Variants in TLL2 observed in about 807,000 individuals in gnomAD.
The protein encoded by TLL2 is tolloid-like protein 2.
A neutral mutation model predicts 123.0 loss-of-function variants in TLL2; 106 were observed. The ratio of observed to expected loss-of-function variants is 0.86; its 90% CI spans 0.74 to 1.01. TLL2 has a LOEUF of 1.01. Among genes scored for constraint, TLL2 ranks in the 50% least tolerant of loss-of-function variants. The pLI is 0.00. For missense variants in TLL2, 1,332 were observed against 1,336.7 expected (o/e 1.00, Z 0.06); for synonymous variants, 494 against 516.8 (o/e 0.96, Z 0.60).
rs756779166 is a variant in TLL2, at chr10:96,395,223, T to C, written c.1690A>G (p.Ile564Val). The C allele has an allele frequency of 3.7e-6, 6 of 1,610,916 alleles. No homozygotes were observed. The highest frequency in any genetic ancestry group is 5.1e-6 in the Non-Finnish European group (6 of 1,179,056). The change falls in exon 13 of 21, where the codon ATC becomes GTC. Residue 564 changes from isoleucine to valine, a missense_variant. Physicochemically the swap from Ile to Val is conservative, Grantham distance 29 (BLOSUM62 3). Coordinates refer to ENST00000357947, the MANE Select transcript of TLL2 (RefSeq NM_012465.4). ...LWMKFVSDGS[I>V]NKAGFAANFF... ...TTGGCTGCAAAGCCCGCTTTATTGA[T>C]AGAGCCATCGGACACAAACTTCATC...
intron 3 of TLL2, among the ~76,000 whole-genome samples, chr10:96,439,299 C>T (rs1371434202): frequency 1.3e-5 from 2 of 150,786 alleles, no homozygotes; most frequent in East Asian, 4.0e-4. Context: ...TAGGGTTTCA[C>T]TATGTTGGCC....
chr10:96,401,868 AACTC>A (rs1015601487), intron 10 of TLL2, among the ~76,000 whole-genome samples: 1 of 152,216 alleles, frequency 6.6e-6, no homozygotes, highest in Non-Finnish European at 1.5e-5. Context: ...TAGCAAACAA[AACTC>A]AAGGAAGCCC....
chr10:96,418,738 T>C (rs1186816301), intron 7 of TLL2, among the ~76,000 whole-genome samples: 3 of 147,154 alleles, frequency 2.0e-5, no homozygotes, highest in Non-Finnish European at 4.5e-5. Flanking sequence ...TAAATTAATA[T>C]ATGAATTTAT....
In TLL2 at chr10:96,386,158, G is replaced by A. The variant is rs1366137116; in HGVS notation, c.1910C>T (p.Pro637Leu). The A allele has an allele frequency of 6.2e-6, 10 of 1,612,196 alleles. No individual in the cohort carries two copies. The Admixed American group carries it at 6.7e-5, about 11-fold the overall frequency. ...GTTTTTGTTTGTGGGATACTCCTTC[G>A]GCCACCCAGGGCTGGTGATGGTTCC... is the stretch of plus-strand genomic sequence containing the variant. ...LNGTITSPGWPKEYPTNKNCV... is the reference protein window; with the variant it reads ...LNGTITSPGWLKEYPTNKNCV... The change falls in exon 15 of 21, where the codon CCG (proline) becomes CTG (leucine). Residue 637 changes from proline to leucine, a missense_variant. By Grantham distance (98) the Pro-to-Leu change is moderately conservative. Coordinates refer to ENST00000357947, the MANE Select transcript of TLL2 (RefSeq NM_012465.4).
intron 2 of TLL2, among the ~76,000 whole-genome samples, chr10:96,453,819 G>A (rs555315993): frequency 5.9e-5 from 9 of 152,262 alleles, no homozygotes; most frequent in Admixed American, 4.6e-4. Flanking sequence ...AAAAATGCTG[G>A]ATGGAAATCA....
At chr10:96,476,243 TTA>T (rs145770000) in intron 2 of TLL2, among the ~76,000 whole-genome samples, 3,118 of 86,790 alleles carry the variant, frequency 0.036, 425 homozygotes, top group African/African-American at 0.066. Context: ...TATATATATT[TTA>T]TTTTTGTTGT....
rs1393904342 is a variant in TLL2 at position 96,365,056 on chromosome 10, A to T, written c.*3032T>A. The T allele has an allele frequency of 6.6e-6, 1 of 152,298 alleles. No individual in the cohort carries two copies. The highest frequency in any genetic ancestry group is 6.5e-5 in the Admixed American group (1 of 15,282). 9.4% of individuals were successfully genotyped at this position (152,298 alleles called of 1,614,324 possible). ...TTTGGCTTCCCTGGGCCACATTGGA[A>T]GAAGAATTATCTTGGGCCACACATA... On this transcript the variant is annotated 3_prime_UTR_variant, in exon 21 of 21. Coordinates refer to ENST00000357947, the MANE Select transcript of TLL2 (RefSeq NM_012465.4).
At chr10:96,512,220 T>C (rs748743406) in intron 1 of TLL2, among the ~76,000 whole-genome samples, 4 of 152,164 alleles carry the variant, frequency 2.6e-5, no homozygotes, top group Non-Finnish European at 5.9e-5. Context: ...TAACCTGGTC[T>C]TCCCCAGACT....
intron 1 of TLL2, among the ~76,000 whole-genome samples, chr10:96,484,512 A>G (rs1035023956): frequency 2.0e-5 from 3 of 151,798 alleles, no homozygotes; most frequent in Admixed American, 6.6e-5. Flanking sequence ...CTGAGCCACA[A>G]ATGATTCATC....
intron 16 of TLL2, among the ~76,000 whole-genome samples, chr10:96,380,167 T>A (rs75905690): frequency 0.025 from 3,769 of 152,274 alleles, 170 homozygotes; most frequent in African/African-American, 0.086. Context: ...GTATAATTAT[T>A]ATGTGAGAAC....
At chr10:96,378,832 C>T in intron 17 of TLL2, 135 bp downstream of exon 17, 1 of 1,209,312 alleles carries the variant, frequency 8.3e-7, no homozygotes, top group Non-Finnish European at 1.2e-6. Context: ...CCCGCAAGGA[C>T]AGCAGTTGCT....
rs999362584 is a variant in TLL2 at position 96,379,154 on chromosome 10, C to G, written c.2195-62G>C. The G allele has an allele frequency of 5.1e-6, 8 of 1,577,748 alleles. No individual in the cohort carries two copies. In the African/African-American group the frequency reaches 1.1e-4, roughly 21 times the overall value. On this transcript the variant is annotated intron_variant, in intron 16 of 20. Coordinates refer to ENST00000357947, the MANE Select transcript of TLL2 (RefSeq NM_012465.4). Reference sequence around the variant, plus strand: ...CAACTTGCAAATGTCCCTCAGGGCTCAGAATCCCACTTAAAAGTGGCCTCC... The same window carrying G: ...CAACTTGCAAATGTCCCTCAGGGCTGAGAATCCCACTTAAAAGTGGCCTCC...
chr10:96,439,003 C>T (rs910960784), intron 3 of TLL2, among the ~76,000 whole-genome samples: 6 of 151,488 alleles, frequency 4.0e-5, no homozygotes, highest in Admixed American at 6.6e-5. Flanking sequence ...TGGAATAAAT[C>T]CCACTGGGTT....
intron 1 of TLL2, among the ~76,000 whole-genome samples, chr10:96,481,706 T>C (rs1401326392): frequency 2.6e-5 from 4 of 152,174 alleles, no homozygotes; most frequent in Non-Finnish European, 5.9e-5. Flanking sequence ...CTAAGAATGC[T>C]GATAGCATGC....
rs973100773 is a variant in TLL2, at chr10:96,404,759, A to G, written c.1267+473T>C. 2.6e-5 allele frequency among the ~76,000 whole-genome samples: 4 copies of G among 152,304 alleles called. No individual in the cohort carries two copies. In the East Asian group the frequency reaches 7.7e-4, roughly 29 times the overall value. On this transcript the variant is annotated intron_variant, in intron 10 of 20. Coordinates refer to ENST00000357947, the MANE Select transcript of TLL2 (RefSeq NM_012465.4). ...AAATGCATAAATGTATTTTTTAATC[A>G]AAATGGAATCCTACTGCTTATTCTA...
In TLL2 at chr10:96,367,781, G is replaced by T. The variant is rs1164743844; in HGVS notation, c.*307C>A. On this transcript the variant is annotated 3_prime_UTR_variant, in exon 21 of 21. Transcript: ENST00000357947. ...GACCTTTTGCCACATAGGAGCAAGG[G>T]ACAAGGAGAATGGTATGAAGAAGCA... 1 of 283,874 alleles carries T rather than the reference G, an allele frequency of 3.5e-6. No homozygotes were observed. The highest frequency in any genetic ancestry group is 7.3e-5 in the East Asian group (1 of 13,656). 17.6% of individuals were successfully genotyped at this position (283,874 alleles called of 1,614,324 possible).
intron 3 of TLL2, among the ~76,000 whole-genome samples, chr10:96,438,691 T>C (rs4919020): frequency 0.92 from 139,473 of 152,270 alleles, 64,995 homozygotes; most frequent in Non-Finnish European, 1. Context: ...TCCAGAACTA[T>C]GCTGAATGAC....
At chr10:96,439,027 C>CT (rs1291426575) in intron 3 of TLL2, among the ~76,000 whole-genome samples, 1 of 140,040 alleles carries the variant, frequency 7.1e-6, no homozygotes, top group African/African-American at 2.6e-5. Flanking sequence ...CTGTATAATT[C>CT]TTTTTTGTAC....
At chr10:96,488,762 C>A (rs945587320) in intron 1 of TLL2, among the ~76,000 whole-genome samples, 2 of 152,290 alleles carry the variant, frequency 1.3e-5, no homozygotes, top group East Asian at 1.9e-4. Flanking sequence ...CATAGTGAGT[C>A]ATTTGGCAGA....
Sources: allele counts gnomAD v4.1 joint callset (sites outside exome capture counted in the v4.1 genomes callset), GRCh38; gene constraint gnomAD v4.1.1; transcripts MANE v1.5; gene names NCBI Gene and HGNC (gene_info 2026-07-23, HGNC 2026-07-21).